Variants in HECTD4 observed in about 807,000 individuals in gnomAD.
HECTD4 encodes HECT domain E3 ubiquitin protein ligase 4, also known as probable E3 ubiquitin-protein ligase HECTD4.
A neutral mutation model predicts 471.5 loss-of-function variants in HECTD4; 114 were observed. The observed-to-expected ratio is 0.24, with a 90% confidence interval of 0.21 to 0.28. The LOEUF (loss-of-function observed/expected upper bound fraction) is 0.28, where lower values mean the gene tolerates loss of function less well. Among genes scored for constraint, HECTD4 ranks in the 10% least tolerant of loss-of-function variants. The probability of loss-of-function intolerance (pLI) is 1.00; values close to 1 mark genes in which losing one functional copy is unlikely to be tolerated. For missense variants in HECTD4, 3,866 were observed against 5,651.5 expected (o/e 0.68, Z 10.13); for synonymous variants, 2,012 against 2,256.0 (o/e 0.89, Z 3.07).
intron 62 of HECTD4, among the ~76,000 whole-genome samples, chr12:112,182,250 G>C (rs570643210): frequency 6.6e-6 from 1 of 151,994 alleles, no homozygotes; most frequent in African/African-American, 2.4e-5. Flanking sequence ...AGGACTGCTT[G>C]AGCCTAGGAG....
intron 1 of HECTD4, among the ~76,000 whole-genome samples, chr12:112,342,234 T>C (rs532325608): frequency 6.6e-6 from 1 of 152,322 alleles, no homozygotes; most frequent in South Asian, 2.1e-4. Flanking sequence ...GGCAAGAGGA[T>C]TGCTTGAGCC....
chr12:112,204,385 G>T, intron 53 of HECTD4, 101 bp downstream of exon 53: 1 of 1,154,920 alleles, frequency 8.7e-7, no homozygotes, highest in Non-Finnish European at 1.3e-6. Context: ...AGTAAGGAGA[G>T]TCACCCTAGG....
At chr12:112,189,864 C>T (rs1027847671) in intron 60 of HECTD4, among the ~76,000 whole-genome samples, 5 of 152,152 alleles carry the variant, frequency 3.3e-5, no homozygotes, top group African/African-American at 1.2e-4. Flanking sequence ...AGCGATCCTC[C>T]TGCCTCAGCC....
chr12:112,223,795 C>T (rs1769611517), intron 44 of HECTD4, among the ~76,000 whole-genome samples: 1 of 152,120 alleles, frequency 6.6e-6, no homozygotes, highest in South Asian at 2.1e-4. Flanking sequence ...GTACTGTCTT[C>T]TTTAGATAGA....
chr12:112,217,039 CTGGCAGTGGTGAAG>C lies in HECTD4; in HGVS notation c.7217_7230del (p.Thr2406SerfsTer11). ...TGTGTCATGTGATGTCTCACCTGAA[CTGGCAGTGGTGAAG>C]TGGCATAGATAAAAGTGCCCCGGGG... On this transcript the variant is annotated frameshift_variant, in exon 46 of 76. Transcript: ENST00000682272. LOFTEE classifies it high-confidence loss of function. 1 of 1,583,260 alleles carries C rather than the reference CTGGCAGTGGTGAAG, an allele frequency of 6.3e-7. No individual in the cohort carries two copies. The highest frequency in any genetic ancestry group is 8.6e-7 in the Non-Finnish European group (1 of 1,160,962).
At chr12:112,274,765 C>T (rs1324324111) in intron 10 of HECTD4, 82 bp downstream of exon 10, 1 of 807,746 alleles carries the variant, frequency 1.2e-6, no homozygotes, top group Non-Finnish European at 2.0e-6. Flanking sequence ...ACTAGAATGC[C>T]ACAGGGAACT....
chr12:112,232,367 T>A (rs1177560194), intron 38 of HECTD4, among the ~76,000 whole-genome samples: 2 of 152,170 alleles, frequency 1.3e-5, no homozygotes, highest in Non-Finnish European at 2.9e-5. Flanking sequence ...TGACCTCAGG[T>A]GATCCACCTG....
chr12:112,227,842 C>G (rs1440864203), intron 43 of HECTD4, among the ~76,000 whole-genome samples: 1 of 152,102 alleles, frequency 6.6e-6, no homozygotes, highest in African/African-American at 2.4e-5. Flanking sequence ...TCATACATCA[C>G]ATTTCATTTG....
rs2032839401 is a variant in HECTD4 at position 112,213,932 on chromosome 12, G to T, written c.7466-1282C>A. Among the ~76,000 whole-genome samples, 2 of 151,684 alleles carry T rather than the reference G, an allele frequency of 1.3e-5. No homozygotes were observed. Among genetic ancestry groups the T allele is most frequent in the East Asian group, 3.9e-4 (2 of 5,162 alleles). On this transcript the variant is annotated intron_variant, in intron 48 of 75. Coordinates refer to ENST00000682272, the MANE Select transcript of HECTD4 (RefSeq NM_001388303.1). The surrounding 1 kb of genome is among the most constrained non-coding windows in gnomAD (Gnocchi z 4.0). ...AGTTACTCAGGAGGCTGAGATGGGA[G>T]GGTCACTTGAGCTCAGGGGGTCAAG...
At position 112,184,378 on chromosome 12, in the gene HECTD4, C is replaced by T. The variant is rs1219101141; in HGVS notation, c.10588G>A (p.Val3530Met). Residue 3530 changes from valine to methionine, a missense_variant, in exon 61 of 76, where the codon GTG becomes ATG. Val to Met is a conservative substitution (Grantham distance 21, BLOSUM62 1). Around this residue, in one of 16 missense-constraint regions of HECTD4, gnomAD observed 192 missense variants for 189.9 expected, o/e 1.01. Coordinates refer to ENST00000682272, the MANE Select transcript of HECTD4 (RefSeq NM_001388303.1). This position sits in a 1 kb window ranked among gnomAD's most constrained non-coding sequence, Gnocchi z 9.1. ...ATGTCCAGGCTTTCCTGGCTGGACACCGCGTGGGGCTCCAACAGGCCCGGA... is the reference window on the plus strand; with the variant it reads ...ATGTCCAGGCTTTCCTGGCTGGACATCGCGTGGGGCTCCAACAGGCCCGGA... Reference protein sequence around the residue: ...IPPGLLEPHAVSSQESLDISL... With the variant: ...IPPGLLEPHAMSSQESLDISL... The T allele has an allele frequency of 2.5e-6, 4 of 1,610,668 alleles. No homozygotes were observed. The Middle Eastern group carries it at 5.0e-4, about 199-fold the overall frequency.
At position 112,236,896 on chromosome 12, in the gene HECTD4, C is replaced by T. The variant is rs1325706602; in HGVS notation, c.5444+49G>A. 4 of 1,473,668 alleles carry T rather than the reference C, an allele frequency of 2.7e-6. No homozygotes were observed. The African/African-American group carries it at 5.6e-5, about 21-fold the overall frequency. 91.3% of individuals were successfully genotyped at this position (1,473,668 alleles called of 1,614,324 possible). ...ACCACCAAAAGAAACCCCAATCGTTCAAGAGGAAAGCCAGCTTCTCCCAGA... is the reference window on the plus strand; with the variant it reads ...ACCACCAAAAGAAACCCCAATCGTTTAAGAGGAAAGCCAGCTTCTCCCAGA... On this transcript the variant is annotated intron_variant, in intron 35 of 75. Transcript: ENST00000682272.
chr12:112,329,312 T>A (rs1350120075), intron 1 of HECTD4, among the ~76,000 whole-genome samples: 2 of 152,108 alleles, frequency 1.3e-5, no homozygotes, highest in Non-Finnish European at 2.9e-5. Context: ...CTACAAACTA[T>A]AAGGAAAAGT....
intron 71 of HECTD4, 133 bp from the exon 72 acceptor site, chr12:112,167,671 C>T: frequency 2.9e-6 from 3 of 1,022,328 alleles, no homozygotes; most frequent in Middle Eastern, 2.1e-4. Flanking sequence ...CTTGCCCATC[C>T]AGTGAGGCAA....
Position 112,332,540 on chromosome 12 carries a change from C to CAAAA in HECTD4, c.178-12802_178-12799dup, listed in dbSNP as rs58503491. Among the ~76,000 whole-genome samples the CAAAA allele has an allele frequency of 5.2e-4, 33 of 62,978 alleles. 1 individual carries two copies. The East Asian group carries it at 6.6e-3, about 13-fold the overall frequency. 41.3% of individuals were successfully genotyped at this position (62,978 alleles called of 152,430 possible). A position where few individuals can be genotyped will look rare whatever the true frequency, so the allele number is the denominator to read the frequency against. On this transcript the variant is annotated intron_variant, in intron 1 of 75. Transcript: ENST00000682272. Reference sequence around the variant, plus strand: ...TGGGTGACAGATTAAGACTCTGTCTCAAAAAAAAAAAAAAAAAAAAAGATT... The same window carrying CAAAA: ...TGGGTGACAGATTAAGACTCTGTCTCAAAAAAAAAAAAAAAAAAAAAAAAAGATT...
At chr12:112,199,237 T>C (rs772036320) in intron 55 of HECTD4, among the ~76,000 whole-genome samples, 33 of 152,176 alleles carry the variant, frequency 2.2e-4, no homozygotes, top group Non-Finnish European at 3.7e-4. Context: ...ATTTGTGATA[T>C]TGCCCTGTGG....
chr12:112,245,936 A>G lies in HECTD4; in HGVS notation c.4513+965T>C, dbSNP rs904963535. Among the ~76,000 whole-genome samples the G allele has an allele frequency of 2.0e-5, 3 of 152,220 alleles. No homozygotes were observed. The East Asian group carries it at 5.8e-4, about 29-fold the overall frequency. On this transcript the variant is annotated intron_variant, in intron 29 of 75. Coordinates refer to ENST00000682272, the MANE Select transcript of HECTD4 (RefSeq NM_001388303.1). ...CACCTGAGGTCAGGGGTTCAAGACC[A>G]GCCTGGCCAACATAGCAAAACCCTG...
chr12:112,197,638 A>G (rs1399469831), intron 55 of HECTD4, among the ~76,000 whole-genome samples: 1 of 152,242 alleles, frequency 6.6e-6, no homozygotes, highest in Non-Finnish European at 1.5e-5. Flanking sequence ...GGACCACCGC[A>G]TTAACACTGA....
chr12:112,199,250 T>C (rs373794053), intron 55 of HECTD4, among the ~76,000 whole-genome samples: 36 of 152,346 alleles, frequency 2.4e-4, no homozygotes, highest in African/African-American at 8.7e-4. Context: ...CCCTGTGGTA[T>C]GCCTACTTCC....
At position 112,256,468 on chromosome 12, in the gene HECTD4, G is replaced by A. The variant is rs1247584685; in HGVS notation, c.3179C>T (p.Pro1060Leu). ...EPGFLTGLKIPAPWAAGKTVE... is the reference protein window; with the variant it reads ...EPGFLTGLKILAPWAAGKTVE... ...AGTCTTTCCAGCAGCCCATGGGGCA[G>A]GAATCTTTAAACCAGTGAGAAATCC... The change falls in exon 21 of 76, where the codon CCT becomes CTT. Residue 1060 changes from proline (P) to leucine (L), a missense_variant. Coordinates refer to ENST00000682272, the MANE Select transcript of HECTD4 (RefSeq NM_001388303.1). 6.2e-7 allele frequency: 1 copy of A among 1,608,846 alleles called. No homozygotes were observed. The highest frequency in any genetic ancestry group is 1.7e-5 in the Admixed American group (1 of 59,122).
Sources: gnomAD v4.1 joint callset for allele counts (sites outside exome capture counted in the v4.1 genomes callset) on GRCh38, gnomAD v4.1.1 for gene constraint, gnomAD v4.1.1 regional missense constraint, Gnocchi (gnomAD v3.1) non-coding constraint, MANE v1.5 for transcripts, NCBI Gene and HGNC (gene_info 2026-07-23, HGNC 2026-07-21) for gene names.